DUSP14: variants seen among roughly 807,000 people sequenced by gnomAD.
DUSP14 encodes the protein dual specificity protein phosphatase 14.
A neutral mutation model predicts 13.2 loss-of-function variants in DUSP14; 5 were observed. The observed-to-expected ratio is 0.38, with a 90% CI of 0.20 to 0.80. DUSP14 has a LOEUF of 0.80. Ranked by LOEUF, DUSP14 falls within the 30% of genes least tolerant of loss-of-function variation. The pLI is 0.44. For missense variants in DUSP14, 185 were observed against 264.0 expected, an observed-to-expected ratio of 0.70 and a Z score of 2.07; for synonymous variants, 91 against 103.4, an observed-to-expected ratio of 0.88 and a Z score of 0.73.
intron 1 of DUSP14, among the ~76,000 whole-genome samples, chr17:37,509,268 T>G (rs1473581183): frequency 4.4e-5 from 1 of 22,726 alleles, no homozygotes; most frequent in Non-Finnish European, 8.8e-5. Flanking sequence ...TATATATATA[T>G]ATATATATAT....
rs565976152 is a variant in DUSP14 at position 37,507,144 on chromosome 17, G to T, written c.-180-3533G>T. ...ATGTATTTTCCAATCTGTCAAGGGG[G>T]TCAGGAGTGTTTGTCAGAGAAGCAT... On this transcript the variant is annotated intron_variant, in intron 1 of 2. Transcript: ENST00000617516. 7.2e-5 allele frequency among the ~76,000 whole-genome samples: 11 copies of T among 152,298 alleles called. No individual in the cohort carries two copies. In the South Asian group the frequency reaches 2.3e-3, roughly 32 times the overall value.
chr17:37,512,663 A>G lies in DUSP14; in HGVS notation c.391A>G (p.Asn131Asp). The G allele has an allele frequency of 6.2e-7, 1 of 1,613,770 alleles. No individual in the cohort carries two copies. The highest frequency in any genetic ancestry group is 8.5e-7 in the Non-Finnish European group (1 of 1,179,772). ...TATCGCGTACCTGATGAAATTCCAC[A>G]ACGTGTGCCTGCTGGAGGCGTACAA... The part of the protein sequence containing the change: ...LCIAYLMKFH[N>D]VCLLEAYNWV... Residue 131 changes from asparagine (N) to aspartate (D), a missense_variant, in exon 3 of 3, where the codon AAC (asparagine) becomes GAC (aspartate). Transcript: ENST00000617516. This position sits in a 1 kb window ranked among gnomAD's most constrained non-coding sequence, Gnocchi z 4.8.
intron 2 of DUSP14, among the ~76,000 whole-genome samples, chr17:37,511,584 C>CTTTTTTTT (rs2054185738): frequency 2.2e-5 from 1 of 45,516 alleles, no homozygotes; most frequent in South Asian, 7.8e-4. Context: ...CCTGGCCTTT[C>CTTTTTTTT]CTTTTTTTTT....
chr17:37,511,601 T>A (rs940015453), intron 2 of DUSP14, among the ~76,000 whole-genome samples: 3 of 140,768 alleles, frequency 2.1e-5, no homozygotes, highest in Non-Finnish European at 4.6e-5. Context: ...TTTTTTTTTT[T>A]TTAGAAGCTG....
chr17:37,504,969 G>A (rs2054128639), intron 1 of DUSP14, among the ~76,000 whole-genome samples: 1 of 152,202 alleles, frequency 6.6e-6, no homozygotes, highest in Non-Finnish European at 1.5e-5. Context: ...TTGGCTCACT[G>A]CAGCCTCCGC....
upstream of DUSP14, among the ~76,000 whole-genome samples, chr17:37,489,100 T>C (rs2054007535): frequency 6.6e-6 from 1 of 152,088 alleles, no homozygotes; most frequent in African/African-American, 2.4e-5. Context: ...AAAACGTCCG[T>C]TTCGCACCGA....
intron 1 of DUSP14, among the ~76,000 whole-genome samples, chr17:37,505,444 A>G (rs914190622): frequency 2.0e-5 from 3 of 152,178 alleles, no homozygotes; most frequent in African/African-American, 7.2e-5. Context: ...TGAATATAAA[A>G]AGGTAACAGT....
chr17:37,512,895 C>T lies in DUSP14; in HGVS notation c.*26C>T. The T allele has an allele frequency of 6.4e-6, 10 of 1,565,382 alleles. No homozygotes were observed. The highest frequency in any genetic ancestry group is 8.7e-6 in the Non-Finnish European group (10 of 1,146,786). Reference sequence around the variant, plus strand: ...TGCCACTGAAGCCTGCGTCAGCAGCCCGAGCGGGGCCGGCATCTGCTCCCC... The same window carrying T: ...TGCCACTGAAGCCTGCGTCAGCAGCTCGAGCGGGGCCGGCATCTGCTCCCC... On this transcript the variant is annotated 3_prime_UTR_variant, in exon 3 of 3. Transcript: ENST00000617516. This position sits in a 1 kb window ranked among gnomAD's most constrained non-coding sequence, Gnocchi z 4.8.
At chr17:37,502,917 T>C (rs970342015) in intron 1 of DUSP14, among the ~76,000 whole-genome samples, 1 of 152,106 alleles carries the variant, frequency 6.6e-6, no homozygotes, top group Non-Finnish European at 1.5e-5. Context: ...GTCGCCTAGG[T>C]TGGAGTGCAG....
chr17:37,490,170 T>C lies in DUSP14; in HGVS notation c.-181+212T>C, dbSNP rs534348182. ...CCCGCGGAGGAGAGGCCCGAGACCT[T>C]CCGCAGCGCACCCTCGCCGGCCCTG... On this transcript the variant is annotated intron_variant, in intron 1 of 2. Coordinates refer to ENST00000617516, the MANE Select transcript of DUSP14 (RefSeq NM_007026.4). 6.1e-5 allele frequency among the ~76,000 whole-genome samples: 9 copies of C among 148,264 alleles called. No individual in the cohort carries two copies. In the South Asian group the frequency reaches 6.4e-4, roughly 11 times the overall value.
At chr17:37,505,636 T>A (rs2054132787) in intron 1 of DUSP14, among the ~76,000 whole-genome samples, 1 of 21,818 alleles carries the variant, frequency 4.6e-5, no homozygotes. Context: ...GGTTGTCATC[T>A]TTTTTTTTTT....
chr17:37,498,709 G>A (rs1441257678), intron 1 of DUSP14, among the ~76,000 whole-genome samples: 1 of 150,164 alleles, frequency 6.7e-6, no homozygotes, highest in East Asian at 1.9e-4. Context: ...TACACTTACG[G>A]AGTTTCTTAT....
chr17:37,493,916 C>T (rs553496244), intron 1 of DUSP14, among the ~76,000 whole-genome samples: 43 of 152,120 alleles, frequency 2.8e-4, no homozygotes, highest in African/African-American at 9.4e-4. Context: ...GCACTGTGCA[C>T]AGACCCTAAC....
intron 1 of DUSP14, among the ~76,000 whole-genome samples, chr17:37,507,953 GT>G (rs776365114): frequency 1.3e-5 from 2 of 152,248 alleles, no homozygotes; most frequent in Non-Finnish European, 2.9e-5. Context: ...AGGAAAGGAT[GT>G]TCTCAGAGTT....
rs1568204463 is a variant in DUSP14 at position 37,509,137 on chromosome 17, A to ATGTATATATATATATG, written c.-180-1540_-180-1539insTGTATATATATATATG. Among the ~76,000 whole-genome samples, 2 of 46,442 alleles carry ATGTATATATATATATG rather than the reference A, an allele frequency of 4.3e-5. 1 individual carries two copies. The highest frequency in any genetic ancestry group is 2.3e-4 in the African/African-American group (2 of 8,730). The allele number at this position is 46,442 out of a possible 152,430, so 30.5% of individuals were successfully genotyped here. On this transcript the variant is annotated intron_variant, in intron 1 of 2. Transcript: ENST00000617516. ...TATATATATATATATATACACACACACACACACACACACACACACACACAC... is the reference window on the plus strand; with the variant it reads ...TATATATATATATATATACACACACATGTATATATATATATGCACACACACACACACACACACACAC...
upstream of DUSP14, chr17:37,489,822 G>A (rs1177477215): frequency 1.4e-5 from 2 of 147,124 alleles, no homozygotes; most frequent in East Asian, 2.0e-4. Context: ...CAGGCGCAGG[G>A]AGCGTGCGCG....
At chr17:37,493,336 C>G (rs1294561698) in intron 1 of DUSP14, among the ~76,000 whole-genome samples, 1 of 152,168 alleles carries the variant, frequency 6.6e-6, no homozygotes, top group South Asian at 2.1e-4. Flanking sequence ...TGGGTTGTTT[C>G]TGGTCTGGGG....
intron 1 of DUSP14, among the ~76,000 whole-genome samples, chr17:37,509,162 CACACACTCTATATA>C (rs1430542808): frequency 2.9e-5 from 2 of 69,884 alleles, no homozygotes; most frequent in Non-Finnish European, 4.9e-5. Context: ...CACACACACA[CACACACTCTATATA>C]TATATGTACT....
intron 1 of DUSP14, among the ~76,000 whole-genome samples, chr17:37,500,332 A>G (rs2054097088): frequency 6.6e-6 from 1 of 152,240 alleles, no homozygotes; most frequent in Non-Finnish European, 1.5e-5. Context: ...GATATGTCTG[A>G]TGAGACATCA....
Sources: gnomAD v4.1 joint callset for allele counts (sites outside exome capture counted in the v4.1 genomes callset) on GRCh38, gnomAD v4.1.1 for gene constraint, Gnocchi (gnomAD v3.1) non-coding constraint, MANE v1.5 for transcripts, NCBI Gene and HGNC (gene_info 2026-07-23, HGNC 2026-07-21) for gene names.